Variants in PTPRD observed in about 807,000 individuals in gnomAD.
PTPRD encodes the protein receptor-type tyrosine-protein phosphatase delta.
PTPRD carries 34 observed loss-of-function variants against 214.5 expected under a neutral mutation model. The observed-to-expected ratio is 0.16, with a 90% CI of 0.12 to 0.21. The LOEUF (loss-of-function observed/expected upper bound fraction) is 0.21. Ranked by LOEUF, PTPRD falls within the 10% of genes least tolerant of loss-of-function variation. PTPRD has a pLI of 1.00. For synonymous variants in PTPRD, 1,128 were observed against 845.7 expected (o/e 1.33, Z -5.79); for missense variants, 2,545 against 2,398.7 (o/e 1.06, Z -1.27).
intron 12 of PTPRD, among the ~76,000 whole-genome samples, chr9:8,678,531 G>C (rs1441740388): frequency 1.3e-5 from 2 of 152,088 alleles, no homozygotes; most frequent in Admixed American, 6.5e-5. Context: ...AGTTTAACGA[G>C]GGCAAAAGAC....
At chr9:9,634,523 T>C (rs1284394504) in intron 7 of PTPRD, among the ~76,000 whole-genome samples, 1 of 152,192 alleles carries the variant, frequency 6.6e-6, no homozygotes, top group Non-Finnish European at 1.5e-5. Flanking sequence ...TTATTTAAAA[T>C]TCACATAATT....
At chr9:8,319,729 A>G (rs1825455978) in intron 45 of PTPRD, 102 bp downstream of exon 45, 2 of 1,398,646 alleles carry the variant, frequency 1.4e-6, no homozygotes, top group Non-Finnish European at 2.0e-6. Context: ...TGCTTTCCCC[A>G]CAGTATTTTG....
intron 6 of PTPRD, among the ~76,000 whole-genome samples, chr9:9,764,801 C>G (rs1218999354): frequency 6.6e-6 from 1 of 152,096 alleles, no homozygotes; most frequent in African/African-American, 2.4e-5. Flanking sequence ...GGTCCAATTT[C>G]AAAGTCACGA....
At chr9:8,713,706 C>G (rs1332981854) in intron 12 of PTPRD, 24 of 1,508,630 alleles carry the variant, frequency 1.6e-5, no homozygotes, top group South Asian at 2.3e-5. Context: ...TGGAAGAGAT[C>G]GCGGCCAGCA....
rs1356071822 is a variant in PTPRD, at chr9:9,851,296, G to C, written c.-367-84445C>G. Among the ~76,000 whole-genome samples the C allele has an allele frequency of 3.9e-5, 6 of 152,192 alleles. No individual in the cohort carries two copies. The East Asian group carries it at 9.6e-4, about 24-fold the overall frequency. ...TGCAGTATCGTATTGCTGACTGCGA[G>C]ATTCAAAGTTTAAGGTGAACTGCTC... On this transcript the variant is annotated intron_variant, in intron 5 of 45. Transcript: ENST00000381196.
chr9:8,330,988 A>C (rs949327248), intron 44 of PTPRD, among the ~76,000 whole-genome samples: 5 of 152,046 alleles, frequency 3.3e-5, no homozygotes, highest in African/African-American at 1.2e-4. Flanking sequence ...TGAATGTCTG[A>C]ACTATTTACT....
chr9:9,743,731 T>TACACACACACACACAC lies in PTPRD; in HGVS notation c.-325-9176_-325-9161dup, dbSNP rs4008087. On this transcript the variant is annotated intron_variant, in intron 6 of 45. Transcript: ENST00000381196. ...TTCTTCATAGCAAAAACTCAGTCTA[T>TACACACACACACACAC]ACACACACACACACACACACACACA... Among the ~76,000 whole-genome samples the TACACACACACACACAC allele has an allele frequency of 3.0e-3, 244 of 80,448 alleles. 2 individuals carry two copies. The highest frequency in any genetic ancestry group is 0.017 in the East Asian group (76 of 4,350). The allele number at this position is 80,448 out of a possible 152,430, so 52.8% of individuals were successfully genotyped here. A position where few individuals can be genotyped will look rare whatever the true frequency, so the allele number is the denominator to read the frequency against.
chr9:9,395,952 G>T (rs1159109593), intron 9 of PTPRD, among the ~76,000 whole-genome samples: 1 of 151,988 alleles, frequency 6.6e-6, no homozygotes, highest in African/African-American at 2.4e-5. Context: ...TGCAGTATTA[G>T]AATAATATAT....
intron 4 of PTPRD, among the ~76,000 whole-genome samples, chr9:9,982,478 GTGTGT>G (rs1436925075): frequency 0.3 from 44,071 of 148,790 alleles, 6,549 homozygotes; most frequent in Middle Eastern, 0.38. Context: ...TGGTGGTGGT[GTGTGT>G]GTGTGTGTGT....
At chr9:8,976,438 T>C (rs1348725161) in intron 11 of PTPRD, among the ~76,000 whole-genome samples, 1 of 152,088 alleles carries the variant, frequency 6.6e-6, no homozygotes, top group Non-Finnish European at 1.5e-5. Context: ...AAAAGGATTA[T>C]CTGAGTGATA....
chr9:9,560,984 T>C (rs1055828515), intron 8 of PTPRD, among the ~76,000 whole-genome samples: 4 of 152,008 alleles, frequency 2.6e-5, no homozygotes, highest in Non-Finnish European at 5.9e-5. Flanking sequence ...GCCTTCACTC[T>C]CTCTCTTTCT....
chr9:9,860,404 C>T (rs141076460), intron 5 of PTPRD, among the ~76,000 whole-genome samples: 6 of 152,324 alleles, frequency 3.9e-5, no homozygotes, highest in East Asian at 1.9e-4. Flanking sequence ...AAAGTAGGTA[C>T]ATTTGCCTTA....
At chr9:8,741,011 G>A (rs1224042369) in intron 11 of PTPRD, among the ~76,000 whole-genome samples, 1 of 152,082 alleles carries the variant, frequency 6.6e-6, no homozygotes, top group Non-Finnish European at 1.5e-5. Context: ...ATTATTCTGA[G>A]CTTTTTCTAT....
intron 5 of PTPRD, among the ~76,000 whole-genome samples, chr9:9,935,529 G>A (rs2088895767): frequency 6.6e-6 from 1 of 152,044 alleles, no homozygotes; most frequent in East Asian, 1.9e-4. Context: ...GGGATGTGAA[G>A]GACCTCTCCA....
At chr9:8,516,798 C>CT (rs71500960) in intron 21 of PTPRD, among the ~76,000 whole-genome samples, 3,050 of 107,542 alleles carry the variant, frequency 0.028, 92 homozygotes, top group African/African-American at 0.032. Context: ...CAAGAATAAA[C>CT]TTTTTTTTTT....
intron 3 of PTPRD, among the ~76,000 whole-genome samples, chr9:10,142,407 T>G (rs368487564): frequency 1.1e-4 from 17 of 151,698 alleles, no homozygotes; most frequent in African/African-American, 3.9e-4. Context: ...GAATCTACAA[T>G]GAACTCAAAC....
chr9:9,304,836 C>T (rs1595493851), intron 9 of PTPRD, among the ~76,000 whole-genome samples: 2 of 151,148 alleles, frequency 1.3e-5, no homozygotes, highest in South Asian at 4.2e-4. Context: ...CTCCACCCTC[C>T]AACGTTCTTG....
rs551217053 is a variant in PTPRD, at chr9:9,556,326, T to C, written c.-237+18406A>G. Among the ~76,000 whole-genome samples the C allele has an allele frequency of 3.8e-3, 581 of 152,216 alleles. 3 individuals are homozygous for C. The highest frequency in any genetic ancestry group is 6.5e-3 in the Non-Finnish European group (439 of 68,010). ...AAAGGAGGAAGAGGAGGGGTTGGTC[T>C]TGCTGTCTCAGGAAAGCAGAGGAAA... On this transcript the variant is annotated intron_variant, in intron 8 of 45. Transcript: ENST00000381196.
chr9:9,601,111 A>ATGTGTGTGTG (rs140016979), intron 7 of PTPRD, among the ~76,000 whole-genome samples: 8 of 97,468 alleles, frequency 8.2e-5, no homozygotes, highest in East Asian at 7.9e-4. Context: ...AGATTAATAT[A>ATGTGTGTGTG]TGTGTGTGTG....
Sources: gnomAD v4.1 joint callset for allele counts (sites outside exome capture counted in the v4.1 genomes callset) on GRCh38, gnomAD v4.1.1 for gene constraint, MANE v1.5 for transcripts, NCBI Gene and HGNC (gene_info 2026-07-23, HGNC 2026-07-21) for gene names.